Variants in ANGPT2 observed in about 807,000 individuals in gnomAD.
ANGPT2 encodes the protein angiopoietin-2.
In ANGPT2, 28 loss-of-function variants were observed where a neutral mutation model predicts 62.9. The ratio of observed to expected loss-of-function variants is 0.44; its 90% CI spans 0.33 to 0.61. The LOEUF (loss-of-function observed/expected upper bound fraction) is 0.61. Among genes scored for constraint, ANGPT2 ranks in the 20% least tolerant of loss-of-function variants. The probability of loss-of-function intolerance (pLI) is 0.03; values close to 1 mark genes in which losing one functional copy is unlikely to be tolerated. For synonymous variants in ANGPT2, 284 were observed against 207.8 expected, an observed-to-expected ratio of 1.37 and a Z score of -3.15; for missense variants, 727 against 594.9, an observed-to-expected ratio of 1.22 and a Z score of -2.31.
At chr8:6,525,418 T>G (rs1818156308) in intron 3 of ANGPT2, among the ~76,000 whole-genome samples, 1 of 150,220 alleles carries the variant, frequency 6.7e-6, no homozygotes, top group African/African-American at 2.5e-5. Flanking sequence ...TTTGTAAAAA[T>G]GAGTTCTCAT....
rs778735247 is a variant in ANGPT2, at chr8:6,527,575, G to C, written c.546C>G (p.Asn182Lys). 1 of 1,613,766 alleles carries C rather than the reference G, an allele frequency of 6.2e-7. No individual in the cohort carries two copies. Among genetic ancestry groups the C allele is most frequent in the Non-Finnish European group, 8.5e-7 (1 of 1,179,850 alleles). ...KQILDQTSEI[N>K]KLQDKNSFLE... ...ATTACCTGTTCTTATCTTGCAATTT[G>C]TTTATTTCACTGGTCTGGTCCAAAA... Residue 182 changes from asparagine to lysine, a missense_variant, in exon 3 of 9, where the codon AAC (asparagine) becomes AAG (lysine). Transcript: ENST00000629816.
intron 3 of ANGPT2, among the ~76,000 whole-genome samples, chr8:6,523,937 G>C (rs1345266106): frequency 1.3e-5 from 2 of 150,696 alleles, no homozygotes; most frequent in African/African-American, 4.9e-5. Context: ...TGGATAGCCT[G>C]ACACTACATT....
At chr8:6,534,197 A>G (rs1216211063) in intron 1 of ANGPT2, among the ~76,000 whole-genome samples, 3 of 151,428 alleles carry the variant, frequency 2.0e-5, no homozygotes, top group Non-Finnish European at 4.4e-5. Flanking sequence ...CACACCATCA[A>G]TATATTTTAA....
intron 5 of ANGPT2, among the ~76,000 whole-genome samples, chr8:6,516,109 A>G (rs1394984996): frequency 1.3e-5 from 2 of 152,234 alleles, no homozygotes. Context: ...TTGGAAACAT[A>G]GGTGCCATTA....
chr8:6,557,248 G>T (rs1824772343), intron 1 of ANGPT2, among the ~76,000 whole-genome samples: 1 of 152,102 alleles, frequency 6.6e-6, no homozygotes, highest in African/African-American at 2.4e-5. Flanking sequence ...CTACTAAACT[G>T]CAGAGGGTAC....
chr8:6,505,023 AAAT>A (rs1371998939), intron 8 of ANGPT2, among the ~76,000 whole-genome samples: 5 of 151,696 alleles, frequency 3.3e-5, no homozygotes, highest in Admixed American at 3.3e-4. Context: ...AAAATAGAGA[AAAT>A]AATTATGATT....
intron 8 of ANGPT2, among the ~76,000 whole-genome samples, chr8:6,504,769 G>T (rs376090607): frequency 4.6e-5 from 7 of 152,108 alleles, no homozygotes; most frequent in African/African-American, 1.4e-4. Context: ...TTTTATTATT[G>T]TTAAGTCTCT....
intron 1 of ANGPT2, among the ~76,000 whole-genome samples, chr8:6,540,014 T>G (rs955634814): frequency 6.6e-6 from 1 of 152,150 alleles, no homozygotes; most frequent in African/African-American, 2.4e-5. Context: ...TATTAGGAAA[T>G]AAGTTTGTGG....
chr8:6,545,830 A>C (rs1439520134), intron 1 of ANGPT2, among the ~76,000 whole-genome samples: 1 of 152,250 alleles, frequency 6.6e-6, no homozygotes, highest in Non-Finnish European at 1.5e-5. Context: ...ATACAAGATT[A>C]CTCTGAGAAA....
At chr8:6,503,370 A>G in intron 8 of ANGPT2, 109 bp from the exon 9 acceptor site, 1 of 1,088,698 alleles carries the variant, frequency 9.2e-7, no homozygotes, top group Non-Finnish European at 1.4e-6. Flanking sequence ...CGTGTGGAGT[A>G]GGCACATGCA....
At chr8:6,516,468 C>T (rs1253242288) in intron 5 of ANGPT2, among the ~76,000 whole-genome samples, 5 of 152,134 alleles carry the variant, frequency 3.3e-5, no homozygotes, top group Non-Finnish European at 4.4e-5. Flanking sequence ...CATCATGCTG[C>T]CAAAAACAGA....
intron 8 of ANGPT2, among the ~76,000 whole-genome samples, chr8:6,505,720 CTA>C (rs1813488950): frequency 9.3e-6 from 1 of 107,664 alleles, no homozygotes; most frequent in African/African-American, 3.1e-5. Flanking sequence ...TATATATATT[CTA>C]TATATATTCT....
chr8:6,520,037 G>C lies in ANGPT2; in HGVS notation c.800-46C>G, dbSNP rs2922899. The C allele has an allele frequency of 1.9e-3, 3,057 of 1,600,078 alleles. 43 individuals carry two copies. The African/African-American group carries it at 0.035, about 18-fold the overall frequency. ...GGCATTTAAACGGAGTTCATGAAAA[G>C]ACAAAGACTTGTTATTTCAAGAGCC... On this transcript the variant is annotated intron_variant, in intron 4 of 8. Transcript: ENST00000629816.
chr8:6,548,709 G>C (rs1040075379), intron 1 of ANGPT2, among the ~76,000 whole-genome samples: 1 of 152,202 alleles, frequency 6.6e-6, no homozygotes. Context: ...ACAGAAGCAA[G>C]CTCCCATTGG....
chr8:6,526,246 C>A, intron 3 of ANGPT2, among the ~76,000 whole-genome samples: 1 of 130,784 alleles, frequency 7.6e-6, no homozygotes, highest in South Asian at 2.7e-4. Context: ...ATGGCAAAAC[C>A]TTGCCTCTAC....
In ANGPT2 at chr8:6,562,816, G is replaced by C; in HGVS notation, c.119C>G (p.Ser40Cys). Residue 40 changes from serine (S) to cysteine (C), a missense_variant, in exon 1 of 9, where the codon TCC (serine) becomes TGC (cysteine). Transcript: ENST00000629816. ...GKKQYQVQHG[S>C]CSYTFLLPEM... ...TGGCAGGAGGAAAGTGTAGCTGCAG[G>C]ACCCATGCTGGACCTGATATTGCTT... 1 of 1,613,494 alleles carries C rather than the reference G, an allele frequency of 6.2e-7. No homozygotes were observed. The highest frequency in any genetic ancestry group is 8.5e-7 in the Non-Finnish European group (1 of 1,179,850).
intron 1 of ANGPT2, 95 bp downstream of exon 1, chr8:6,562,552 C>CTTCTTTTTTTTTTTTTTTTT (rs1825700604): frequency 2.8e-5 from 2 of 71,754 alleles, no homozygotes; most frequent in African/African-American, 1.3e-4. Flanking sequence ...CATCCTCCTT[C>CTTCTTTTTTTTTTTTTTTTT]TTTTTTTTTT....
chr8:6,518,109 G>A (rs1301970359), intron 5 of ANGPT2, among the ~76,000 whole-genome samples: 1 of 152,104 alleles, frequency 6.6e-6, no homozygotes, highest in Non-Finnish European at 1.5e-5. Context: ...GTGCACTGGG[G>A]TGGGAAGCTT....
intron 1 of ANGPT2, among the ~76,000 whole-genome samples, chr8:6,558,295 C>T (rs138175562): frequency 2.0e-3 from 306 of 152,312 alleles, no homozygotes; most frequent in African/African-American, 7.1e-3. Context: ...AATCTACTTC[C>T]TATTTCCACC....
Sources: gnomAD v4.1 joint callset for allele counts (sites outside exome capture counted in the v4.1 genomes callset) on GRCh38, gnomAD v4.1.1 for gene constraint, MANE v1.5 for transcripts, NCBI Gene and HGNC (gene_info 2026-07-23, HGNC 2026-07-21) for gene names.